Variants in GLT1D1 observed in about 807,000 individuals in gnomAD.
The protein encoded by GLT1D1 is glycosyltransferase 1 domain containing 1.
GLT1D1 carries 21 observed loss-of-function variants against 28.7 expected under a neutral mutation model. That is an observed-to-expected ratio of 0.73 (90% CI 0.52 to 1.05). The LOEUF is 1.05. Among genes scored for constraint, GLT1D1 ranks in the 50% least tolerant of loss-of-function variants. The pLI, the probability that GLT1D1 is intolerant of heterozygous loss-of-function variation, is 0.00. For missense variants in GLT1D1, 343 were observed against 330.6 expected, an observed-to-expected ratio of 1.04 and a Z score of -0.29; for synonymous variants, 147 against 124.8, an observed-to-expected ratio of 1.18 and a Z score of -1.19.
chr12:128,953,768 CAG>C (rs1876971235), intron 6 of GLT1D1, among the ~76,000 whole-genome samples: 2 of 149,406 alleles, frequency 1.3e-5, no homozygotes, highest in Non-Finnish European at 3.0e-5. Flanking sequence ...GTCTCCGAAA[CAG>C]AGTCTCACTC....
intron 4 of GLT1D1, among the ~76,000 whole-genome samples, chr12:128,929,676 G>T (rs1264853761): frequency 6.6e-6 from 1 of 152,132 alleles, no homozygotes; most frequent in African/African-American, 2.4e-5. Flanking sequence ...AATGTCAAGG[G>T]CTAGGCCAGG....
intron 1 of GLT1D1, among the ~76,000 whole-genome samples, chr12:128,863,827 T>G (rs1000755086): frequency 6.7e-6 from 1 of 150,328 alleles, no homozygotes; most frequent in African/African-American, 2.5e-5. Context: ...GCACCTGCAA[T>G]CCCAGCTACT....
rs34870104 is a variant in GLT1D1, at chr12:128,939,837, A to ACCCCCCCCC, written c.376-5488_376-5480dup. Among the ~76,000 whole-genome samples the ACCCCCCCCC allele has an allele frequency of 2.6e-4, 25 of 97,584 alleles. 2 individuals carry two copies. Among genetic ancestry groups the ACCCCCCCCC allele is most frequent in the African/African-American group, 8.0e-4 (17 of 21,360 alleles). The allele number at this position is 97,584 out of a possible 152,430, so 64.0% of individuals were successfully genotyped here. ...GGGGGATGTTGCCAAATTGTTAGAAACCCCCCCCCACCGCCGATCCAATCA... is the reference window on the plus strand; with the variant it reads ...GGGGGATGTTGCCAAATTGTTAGAAACCCCCCCCCCCCCCCCCCACCGCCGATCCAATCA... On this transcript the variant is annotated intron_variant, in intron 4 of 7. Transcript: ENST00000281703.
chr12:128,932,209 T>C (rs1444311835), intron 4 of GLT1D1, among the ~76,000 whole-genome samples: 1 of 152,156 alleles, frequency 6.6e-6, no homozygotes, highest in Non-Finnish European at 1.5e-5. Flanking sequence ...CCCCTCTCCA[T>C]TTCCAAGCTA....
At chr12:128,862,353 A>G (rs888538039) in intron 1 of GLT1D1, among the ~76,000 whole-genome samples, 4 of 150,582 alleles carry the variant, frequency 2.7e-5, no homozygotes, top group East Asian at 3.9e-4. Context: ...AAAAACCACA[A>G]AGATAGCCAT....
intron 4 of GLT1D1, among the ~76,000 whole-genome samples, chr12:128,910,264 C>CT (rs11361008): frequency 0.17 from 19,078 of 114,138 alleles, 1,566 homozygotes; most frequent in South Asian, 0.27. Context: ...AAGTTTAACT[C>CT]TTTTTTTTTT....
chr12:128,977,798 A>G (rs841912), intron 7 of GLT1D1, among the ~76,000 whole-genome samples: 117,173 of 144,230 alleles, frequency 0.81, 47,829 homozygotes, highest in African/African-American at 0.9. Flanking sequence ...TTTTTTTTGA[A>G]ACAGAGTTTC....
At chr12:128,871,171 C>T (rs534460329) in intron 1 of GLT1D1, among the ~76,000 whole-genome samples, 7 of 152,336 alleles carry the variant, frequency 4.6e-5, no homozygotes, top group African/African-American at 1.7e-4. Context: ...TTTGGCTTCT[C>T]ATTTCTTAGA....
Position 128,874,280 on chromosome 12 carries a change from C to T in GLT1D1, c.69-1634C>T, listed in dbSNP as rs184826766. Reference sequence around the variant, plus strand: ...CACTGCAACGTTTGCCTCCCGGGTTCAAGCAATTCTCGTGCCTCAGCCTCC... The same window carrying T: ...CACTGCAACGTTTGCCTCCCGGGTTTAAGCAATTCTCGTGCCTCAGCCTCC... On this transcript the variant is annotated intron_variant, in intron 1 of 7. Transcript: ENST00000281703. Among the ~76,000 whole-genome samples, 58 of 150,664 alleles carry T rather than the reference C, an allele frequency of 3.8e-4. 1 individual carries two copies. The East Asian group carries it at 0.011, about 28-fold the overall frequency.
At chr12:128,902,867 AC>A (rs1270668495) in intron 4 of GLT1D1, among the ~76,000 whole-genome samples, 1 of 151,114 alleles carries the variant, frequency 6.6e-6, no homozygotes, top group African/African-American at 2.5e-5. Flanking sequence ...ACATGACGAA[AC>A]CCTGTCTCTA....
At chr12:128,968,139 G>A (rs1221372544) in intron 7 of GLT1D1, among the ~76,000 whole-genome samples, 2 of 152,004 alleles carry the variant, frequency 1.3e-5, no homozygotes, top group Non-Finnish European at 2.9e-5. Flanking sequence ...AGGACTGCAG[G>A]CGCCTGCCAC....
At chr12:128,981,131 A>G (rs1174516691) in intron 7 of GLT1D1, among the ~76,000 whole-genome samples, 1 of 152,178 alleles carries the variant, frequency 6.6e-6, no homozygotes, top group Non-Finnish European at 1.5e-5. Flanking sequence ...TCTGCCACTC[A>G]TCCAGGGTTT....
chr12:128,855,378 A>G (rs773457593), intron 1 of GLT1D1, among the ~76,000 whole-genome samples: 7 of 151,900 alleles, frequency 4.6e-5, no homozygotes, highest in Non-Finnish European at 7.4e-5. Flanking sequence ...CATGGGCAAC[A>G]TGGTGAAACC....
intron 4 of GLT1D1, among the ~76,000 whole-genome samples, chr12:128,919,293 G>T (rs1343056524): frequency 6.6e-6 from 1 of 152,154 alleles, no homozygotes; most frequent in East Asian, 1.9e-4. Flanking sequence ...GACACTATTA[G>T]TGATCAGATA....
intron 1 of GLT1D1, among the ~76,000 whole-genome samples, chr12:128,863,974 A>G (rs1465115017): frequency 2.1e-5 from 3 of 145,918 alleles, no homozygotes; most frequent in Admixed American, 6.8e-5. Context: ...AAAAAAGTGT[A>G]TAGATCTGAA....
intron 1 of GLT1D1, among the ~76,000 whole-genome samples, chr12:128,854,740 G>A (rs1745846453): frequency 6.6e-6 from 1 of 151,972 alleles, no homozygotes; most frequent in Non-Finnish European, 1.5e-5. Flanking sequence ...CAGGTGATCC[G>A]CCTGCCTCGG....
At chr12:128,961,778 T>G (rs1877972930) in intron 7 of GLT1D1, among the ~76,000 whole-genome samples, 1 of 152,146 alleles carries the variant, frequency 6.6e-6, no homozygotes. Flanking sequence ...AGAAACAGCC[T>G]CATAGACACA....
rs572088334 is a variant in GLT1D1 at position 128,902,102 on chromosome 12, A to G, written c.375+2815A>G. Among the ~76,000 whole-genome samples the G allele has an allele frequency of 1.1e-4, 16 of 151,868 alleles. 1 individual carries two copies. The highest frequency in any genetic ancestry group is 3.4e-4 in the African/African-American group (14 of 41,192). On this transcript the variant is annotated intron_variant, in intron 4 of 7. Transcript: ENST00000281703. ...GACTCAGTGAACCAGTAGGTTTTCA[A>G]TGATCAATATGTGACCTATAGAATC...
intron 7 of GLT1D1, among the ~76,000 whole-genome samples, chr12:128,959,068 C>A (rs1877622275): frequency 1.3e-5 from 2 of 151,428 alleles, no homozygotes; most frequent in Admixed American, 1.3e-4. Flanking sequence ...GAACTCCTGG[C>A]CTCAAGCGAT....
Sources: gnomAD v4.1 joint callset for allele counts (sites outside exome capture counted in the v4.1 genomes callset) on GRCh38, gnomAD v4.1.1 for gene constraint, MANE v1.5 for transcripts, NCBI Gene and HGNC (gene_info 2026-07-23, HGNC 2026-07-21) for gene names.